Variants in PHACTR1 observed in about 807,000 individuals in gnomAD.
PHACTR1 encodes RPEL repeat containing 1.
Under a neutral mutation model 69.2 loss-of-function variants are expected in PHACTR1, and 16 were observed. The ratio of observed to expected loss-of-function variants is 0.23; its 90% CI spans 0.16 to 0.35. The LOEUF (loss-of-function observed/expected upper bound fraction) is 0.35, where lower values mean the gene tolerates loss of function less well. PHACTR1 is among the 10% of genes least tolerant of loss of function. PHACTR1 has a pLI of 1.00. For missense variants in PHACTR1, 510 were observed against 734.7 expected (o/e 0.69, Z 3.54); for synonymous variants, 312 against 284.5 (o/e 1.10, Z -0.97).
At chr6:12,911,296 C>G (rs1786361987) in intron 4 of PHACTR1, among the ~76,000 whole-genome samples, 1 of 152,032 alleles carries the variant, frequency 6.6e-6, no homozygotes, top group African/African-American at 2.4e-5. Context: ...CAGAAATCGA[C>G]ATTGGGGGCT....
intron 4 of PHACTR1, among the ~76,000 whole-genome samples, chr6:12,910,829 C>G (rs1786300153): frequency 6.6e-6 from 1 of 152,172 alleles, no homozygotes. Context: ...ATCTGGCTGG[C>G]TCTGCTGCAC....
intron 3 of PHACTR1, among the ~76,000 whole-genome samples, chr6:12,735,047 G>A (rs1764054442): frequency 6.6e-6 from 1 of 152,220 alleles, no homozygotes; most frequent in Admixed American, 6.5e-5. Context: ...CAAGAATTAA[G>A]GAGAGTCTTA....
intron 4 of PHACTR1, among the ~76,000 whole-genome samples, chr6:13,013,982 A>G (rs1799798615): frequency 6.6e-6 from 1 of 151,772 alleles, no homozygotes; most frequent in South Asian, 2.1e-4. Flanking sequence ...GCGCCGAGAA[A>G]CCCAAAAAGA....
chr6:12,888,582 C>A (rs1042215624), intron 4 of PHACTR1, among the ~76,000 whole-genome samples: 2 of 151,778 alleles, frequency 1.3e-5, no homozygotes, highest in East Asian at 3.9e-4. Context: ...TTTTAAATGC[C>A]CATTAATGGA....
At chr6:13,237,019 G>A (rs1368606074) in intron 10 of PHACTR1, among the ~76,000 whole-genome samples, 3 of 152,090 alleles carry the variant, frequency 2.0e-5, no homozygotes, top group Non-Finnish European at 2.9e-5. Context: ...AAAAATGAAG[G>A]ACTAGTTTGT....
At chr6:12,743,863 GCAC>G (rs1272344350) in intron 3 of PHACTR1, among the ~76,000 whole-genome samples, 1 of 152,136 alleles carries the variant, frequency 6.6e-6, no homozygotes, top group Non-Finnish European at 1.5e-5. Context: ...ATTCTTCTCA[GCAC>G]CACATCGCAC....
chr6:13,013,196 G>A (rs543367712), intron 4 of PHACTR1, among the ~76,000 whole-genome samples: 5 of 152,320 alleles, frequency 3.3e-5, no homozygotes, highest in Non-Finnish European at 7.4e-5. Context: ...TCCCAAAGTC[G>A]CAAATTGTTT....
chr6:12,796,098 T>G lies in PHACTR1; in HGVS notation c.250+46308T>G, dbSNP rs530526916. Among the ~76,000 whole-genome samples, 3 of 152,254 alleles carry G rather than the reference T, an allele frequency of 2.0e-5. No individual in the cohort carries two copies. The South Asian group carries it at 6.2e-4, about 32-fold the overall frequency. On this transcript the variant is annotated intron_variant, in intron 4 of 14. Coordinates refer to ENST00000332995, the MANE Select transcript of PHACTR1 (RefSeq NM_030948.6). ...TTTTTCTAGGTTAAGTTGAAAAGAC[T>G]TGGGAAAGAAGGAAAAAGAATAACA...
chr6:12,911,054 G>A (rs1786326121), intron 4 of PHACTR1, among the ~76,000 whole-genome samples: 1 of 152,172 alleles, frequency 6.6e-6, no homozygotes, highest in African/African-American at 2.4e-5. Flanking sequence ...CAGTCCCCAA[G>A]GTGTCCAATC....
intron 5 of PHACTR1, among the ~76,000 whole-genome samples, chr6:13,079,938 G>A (rs923868563): frequency 2.0e-5 from 3 of 152,036 alleles, no homozygotes; most frequent in Non-Finnish European, 2.9e-5. Context: ...CCTTCCTCTC[G>A]TTTTGACAGC....
chr6:12,861,906 G>A (rs1481849585), intron 4 of PHACTR1, among the ~76,000 whole-genome samples: 2 of 152,106 alleles, frequency 1.3e-5, no homozygotes, highest in African/African-American at 4.8e-5. Flanking sequence ...AAATATATAT[G>A]AATGGATGTG....
At chr6:13,224,145 T>G (rs1026688049) in intron 8 of PHACTR1, among the ~76,000 whole-genome samples, 1 of 152,226 alleles carries the variant, frequency 6.6e-6, no homozygotes, top group Admixed American at 6.5e-5. Context: ...TACTAGGCAC[T>G]AAGCATAGTA....
At chr6:13,017,333 C>CTGTG (rs766536958) in intron 4 of PHACTR1, among the ~76,000 whole-genome samples, 2 of 150,368 alleles carry the variant, frequency 1.3e-5, no homozygotes, top group Non-Finnish European at 3.0e-5. Context: ...CTGTTTATAT[C>CTGTG]TGTGTGTGTG....
chr6:12,929,197 GA>G (rs1459802536), intron 4 of PHACTR1, among the ~76,000 whole-genome samples: 4 of 152,180 alleles, frequency 2.6e-5, no homozygotes, highest in Non-Finnish European at 5.9e-5. Context: ...CCAACTCTGA[GA>G]GGCAATTTGT....
intron 4 of PHACTR1, among the ~76,000 whole-genome samples, chr6:12,868,209 A>G (rs1385806222): frequency 6.6e-6 from 1 of 150,398 alleles, no homozygotes; most frequent in African/African-American, 2.5e-5. Flanking sequence ...GTGAACCAAG[A>G]TCGCGCCACT....
intron 5 of PHACTR1, among the ~76,000 whole-genome samples, chr6:13,107,484 G>T (rs1471593196): frequency 1.3e-5 from 2 of 152,184 alleles, no homozygotes; most frequent in African/African-American, 4.8e-5. Flanking sequence ...ATTCAGCAAA[G>T]AAGCCATCTG....
chr6:12,742,539 T>C (rs537342021), intron 3 of PHACTR1, among the ~76,000 whole-genome samples: 11 of 152,248 alleles, frequency 7.2e-5, no homozygotes, highest in African/African-American at 2.6e-4. Flanking sequence ...TCATATCTCT[T>C]CCTGTGACTT....
intron 4 of PHACTR1, among the ~76,000 whole-genome samples, chr6:12,969,174 T>C (rs1040142756): frequency 6.6e-6 from 1 of 152,238 alleles, no homozygotes; most frequent in Non-Finnish European, 1.5e-5. Context: ...CAAGCAATCC[T>C]AATGTATAGC....
At chr6:13,159,951 A>G (rs1181628496) in intron 5 of PHACTR1, among the ~76,000 whole-genome samples, 1 of 152,170 alleles carries the variant, frequency 6.6e-6, no homozygotes, top group Non-Finnish European at 1.5e-5. Context: ...GAAAAAAAAA[A>G]GAATGCCTAC....
Sources: allele counts gnomAD v4.1 joint callset (sites outside exome capture counted in the v4.1 genomes callset), GRCh38; gene constraint gnomAD v4.1.1; transcripts MANE v1.5; gene names NCBI Gene and HGNC (gene_info 2026-07-23, HGNC 2026-07-21).